RIT2: variants seen among roughly 807,000 people sequenced by gnomAD.
The protein encoded by RIT2 is Ras like without CAAX 2.
In RIT2, 24 loss-of-function variants were observed where a neutral mutation model predicts 23.7. The observed-to-expected ratio is 1.01, with a 90% confidence interval of 0.73 to 1.43. The LOEUF is 1.43. Among genes scored for constraint, RIT2 ranks in the 40% most tolerant of loss-of-function variants. The pLI, the probability that RIT2 is intolerant of heterozygous loss-of-function variation, is 0.00. For synonymous variants in RIT2, 107 were observed against 91.1 expected, an observed-to-expected ratio of 1.17 and a Z score of -0.99; for missense variants, 236 against 266.9, an observed-to-expected ratio of 0.88 and a Z score of 0.81.
chr18:43,064,910 G>T (rs1422823196), intron 1 of RIT2, among the ~76,000 whole-genome samples: 1 of 152,054 alleles, frequency 6.6e-6, no homozygotes, highest in Non-Finnish European at 1.5e-5. Context: ...TCCACCTCCT[G>T]GGTTCAAGCA....
In RIT2 at chr18:43,072,769, C is replaced by T. The variant is rs75437952; in HGVS notation, c.104-38902G>A. Among the ~76,000 whole-genome samples, 710 of 152,248 alleles carry T rather than the reference C, an allele frequency of 4.7e-3. 9 individuals are homozygous for T. The highest frequency in any genetic ancestry group is 0.015 in the African/African-American group (643 of 41,554). On this transcript the variant is annotated intron_variant, in intron 1 of 4. Coordinates refer to ENST00000326695, the MANE Select transcript of RIT2 (RefSeq NM_002930.4). ...GCTTTTTGCAACTTCCCACATCTTG[C>T]AAGGTTGTAACTAATTAATCTCTTA...
intron 4 of RIT2, among the ~76,000 whole-genome samples, 166 bp from the exon 5 acceptor site, chr18:42,743,886 A>T (rs1270068262): frequency 6.6e-6 from 1 of 152,148 alleles, no homozygotes; most frequent in East Asian, 1.9e-4. Flanking sequence ...TAACTGAAGA[A>T]TCACAAAAGA....
chr18:42,792,895 C>G (rs1459610241), intron 4 of RIT2, among the ~76,000 whole-genome samples: 1 of 152,106 alleles, frequency 6.6e-6, no homozygotes, highest in Non-Finnish European at 1.5e-5. Flanking sequence ...TCCACTCTTT[C>G]TGCCCTCCTG....
chr18:43,008,862 A>C (rs1388589232), intron 2 of RIT2, among the ~76,000 whole-genome samples: 1 of 151,710 alleles, frequency 6.6e-6, no homozygotes, highest in Non-Finnish European at 1.5e-5. Context: ...AAATACACAA[A>C]AGATTCAGAA....
intron 4 of RIT2, among the ~76,000 whole-genome samples, chr18:42,788,135 G>C (rs1598653879): frequency 6.6e-6 from 1 of 151,954 alleles, no homozygotes; most frequent in Non-Finnish European, 1.5e-5. Context: ...AAAAATATTT[G>C]TTTAGAAGAG....
At chr18:42,799,870 A>C (rs1905476251) in intron 4 of RIT2, among the ~76,000 whole-genome samples, 1 of 152,238 alleles carries the variant, frequency 6.6e-6, no homozygotes, top group African/African-American at 2.4e-5. Flanking sequence ...CAGCCTTCTC[A>C]GAACCTCCTA....
intron 2 of RIT2, among the ~76,000 whole-genome samples, chr18:42,985,972 T>A (rs1038122256): frequency 1.8e-4 from 27 of 151,628 alleles, no homozygotes; most frequent in Non-Finnish European, 1.9e-4. Context: ...AAAATATGAG[T>A]CATTTTATGA....
chr18:42,885,172 A>G (rs536287329), intron 4 of RIT2, among the ~76,000 whole-genome samples: 1 of 152,368 alleles, frequency 6.6e-6, no homozygotes, highest in South Asian at 2.1e-4. Context: ...AATAGAAAAT[A>G]GACAACTAAA....
intron 4 of RIT2, among the ~76,000 whole-genome samples, chr18:42,802,213 T>G (rs1905558452): frequency 6.6e-6 from 1 of 152,114 alleles, no homozygotes; most frequent in Non-Finnish European, 1.5e-5. Context: ...TCTACTTGGG[T>G]GCAAACAATC....
chr18:42,882,497 T>C (rs1375192742), intron 4 of RIT2, among the ~76,000 whole-genome samples: 1 of 152,194 alleles, frequency 6.6e-6, no homozygotes, highest in Non-Finnish European at 1.5e-5. Context: ...TTAAACAACC[T>C]AGTAATTCAC....
intron 2 of RIT2, among the ~76,000 whole-genome samples, chr18:43,013,265 C>T (rs1276215183): frequency 4.6e-5 from 7 of 151,714 alleles, no homozygotes; most frequent in African/African-American, 1.7e-4. Flanking sequence ...TAAGATTAAC[C>T]ACAATGGTTT....
chr18:43,112,336 G>T (rs899500727), intron 1 of RIT2, among the ~76,000 whole-genome samples: 18 of 152,262 alleles, frequency 1.2e-4, no homozygotes, highest in African/African-American at 4.3e-4. Context: ...TCTGACTGTG[G>T]TTAGGACTGA....
chr18:42,973,451 A>G (rs1910407351), intron 3 of RIT2, among the ~76,000 whole-genome samples: 1 of 151,920 alleles, frequency 6.6e-6, no homozygotes, highest in Non-Finnish European at 1.5e-5. Flanking sequence ...AGTTAAATAA[A>G]ATATCCACCT....
intron 4 of RIT2, among the ~76,000 whole-genome samples, chr18:42,907,820 A>T (rs1390807448): frequency 6.6e-6 from 1 of 152,100 alleles, no homozygotes; most frequent in Non-Finnish European, 1.5e-5. Context: ...GTCTCTATAA[A>T]AATTTTAAGA....
intron 4 of RIT2, among the ~76,000 whole-genome samples, chr18:42,852,459 A>T (rs1907079320): frequency 6.6e-6 from 1 of 152,238 alleles, no homozygotes. Context: ...TATGAGATTT[A>T]GGATGGGTTA....
intron 3 of RIT2, among the ~76,000 whole-genome samples, chr18:42,929,181 A>G (rs1034184112): frequency 3.3e-5 from 5 of 151,362 alleles, no homozygotes; most frequent in Admixed American, 1.3e-4. Context: ...ATGATCAATT[A>G]TATCACTTTT....
At chr18:42,856,581 G>T (rs989671331) in intron 4 of RIT2, among the ~76,000 whole-genome samples, 6 of 151,986 alleles carry the variant, frequency 3.9e-5, no homozygotes, top group Non-Finnish European at 8.8e-5. Flanking sequence ...GGGGAACTAT[G>T]ACCCCTATAG....
In RIT2 at chr18:42,767,970, T is replaced by C. The variant is rs551129851; in HGVS notation, c.427-24250A>G. On this transcript the variant is annotated intron_variant, in intron 4 of 4. Transcript: ENST00000326695. ...TGGAACTGTAAGTCCAATTAAACCT[T>C]TTTTTTTGTCCAGTTTCAAGTATGT... 4.0e-5 allele frequency among the ~76,000 whole-genome samples: 6 copies of C among 151,836 alleles called. No homozygotes were observed. In the East Asian group the frequency reaches 1.2e-3, roughly 29 times the overall value.
chr18:42,877,026 G>A (rs1209124451), intron 4 of RIT2, among the ~76,000 whole-genome samples: 1 of 151,754 alleles, frequency 6.6e-6, no homozygotes, highest in Admixed American at 6.6e-5. Context: ...TAGCCACAGA[G>A]AACATTTATT....
Sources: allele counts gnomAD v4.1 joint callset (sites outside exome capture counted in the v4.1 genomes callset), GRCh38; gene constraint gnomAD v4.1.1; transcripts MANE v1.5; gene names NCBI Gene and HGNC (gene_info 2026-07-23, HGNC 2026-07-21).